Variants in EML2 observed in about 807,000 individuals in gnomAD.
EML2 encodes the protein EMAP like 2, also known as echinoderm microtubule-associated protein-like 2.
In EML2, 59 loss-of-function variants were observed where a neutral mutation model predicts 84.7. The ratio of observed to expected loss-of-function variants is 0.70; its 90% CI spans 0.56 to 0.86. The LOEUF (loss-of-function observed/expected upper bound fraction) is 0.86. Among genes scored for constraint, EML2 ranks in the 40% least tolerant of loss-of-function variants. The pLI, the probability that EML2 is intolerant of heterozygous loss-of-function variation, is 0.00. For synonymous variants in EML2, 352 were observed against 348.9 expected (o/e 1.01, Z -0.10); for missense variants, 818 against 855.6 (o/e 0.96, Z 0.55).
Position 45,614,672 on chromosome 19 carries a change from G to A in EML2, c.1626C>T (p.Thr542=). The A allele has an allele frequency of 3.7e-6, 6 of 1,614,044 alleles. No individual in the cohort carries two copies. Among genetic ancestry groups the A allele is most frequent in the Non-Finnish European group, 5.1e-6 (6 of 1,179,936 alleles). Residue 542 remains threonine, a synonymous_variant, in exon 17 of 19, where the codon ACC becomes ACT. Transcript: ENST00000245925. The part of the protein sequence containing the change: ...YWDPATCKQI[T]SADAVRNMEW... Reference sequence around the variant, plus strand: ...CCATGTTCCTCACAGCATCCGCACTGGTGATCTGCTTACAGGTAGCCGGGT... The same window carrying A: ...CCATGTTCCTCACAGCATCCGCACTAGTGATCTGCTTACAGGTAGCCGGGT...
intron 7 of EML2, among the ~76,000 whole-genome samples, chr19:45,628,445 G>A (rs1178778377): frequency 2.0e-5 from 3 of 152,058 alleles, no homozygotes; most frequent in African/African-American, 7.2e-5. Flanking sequence ...AGAGTTGTGT[G>A]TGGAACCCAG....
At chr19:45,613,282 G>A (rs1600068373) in intron 18 of EML2, among the ~76,000 whole-genome samples, 1 of 152,180 alleles carries the variant, frequency 6.6e-6, no homozygotes, top group Non-Finnish European at 1.5e-5. Context: ...TATTTACTGA[G>A]TTAACAAGGA....
intron 6 of EML2, among the ~76,000 whole-genome samples, chr19:45,630,247 A>G (rs1972865752): frequency 6.6e-6 from 1 of 151,916 alleles, no homozygotes; most frequent in South Asian, 2.1e-4. Flanking sequence ...AACAAAACAA[A>G]TTTAAATATT....
At chr19:45,642,314 C>G, upstream of EML2, 2 of 1,535,774 alleles carry the variant, frequency 1.3e-6, no homozygotes, top group Non-Finnish European at 8.7e-7. Context: ...GACACGCGGT[C>G]GTCCACTTCC....
chr19:45,635,155 G>GT (rs1568481913), intron 3 of EML2, among the ~76,000 whole-genome samples: 3 of 151,270 alleles, frequency 2.0e-5, no homozygotes, highest in African/African-American at 7.3e-5. Context: ...GGCCTGTTTT[G>GT]TTTTTTTAAG....
In EML2 at chr19:45,609,726, A is replaced by G; in HGVS notation, c.1887T>C (p.Asp629=). 1 of 1,613,770 alleles carries G rather than the reference A, an allele frequency of 6.2e-7. No homozygotes were observed. Residue 629 remains aspartate (D), a synonymous_variant, in exon 19 of 19, where the codon GAT becomes GAC. Coordinates refer to ENST00000245925, the MANE Select transcript of EML2 (RefSeq NM_012155.4). ...CCCCTGTGGTCAGGGCCATGCTGTC[A>G]TCCCACAAGAAGGCCACATTTGTCA... ...SHVTNVAFLW[D]DSMALTTGGK...
upstream of EML2, chr19:45,641,286 G>C (rs1003522734): frequency 4.5e-6 from 1 of 224,460 alleles, no homozygotes; most frequent in African/African-American, 2.3e-5. Flanking sequence ...TTTCCTTGTA[G>C]AAACTCTGTG....
At chr19:45,633,865 CTCCCAAAGTGCTGCT>C (rs1973385526) in intron 4 of EML2, among the ~76,000 whole-genome samples, 1 of 152,174 alleles carries the variant, frequency 6.6e-6, no homozygotes, top group African/African-American at 2.4e-5. Flanking sequence ...CCGCCTTGGC[CTCCCAAAGTGCTGCT>C]TTCACAGGCG....
chr19:45,626,960 C>CTTTT (rs5828242), intron 7 of EML2, 121 bp from the exon 8 acceptor site: 630 of 527,428 alleles, frequency 1.2e-3, no homozygotes, highest in East Asian at 2.5e-3. Context: ...CTGAACTTTT[C>CTTTT]TTTTTTTTTT....
At chr19:45,609,887 C>CA in intron 18 of EML2, 99 bp from the exon 19 acceptor site, 6 of 1,085,820 alleles carry the variant, frequency 5.5e-6, no homozygotes, top group Non-Finnish European at 7.5e-6. Flanking sequence ...TGCTCTTCCT[C>CA]TTTTTTTTTT....
At chr19:45,638,714 AT>A in intron 2 of EML2, 80 bp from the exon 3 acceptor site, 1 of 1,583,664 alleles carries the variant, frequency 6.3e-7, no homozygotes, top group Non-Finnish European at 8.6e-7. Context: ...TTATTTATTT[AT>A]TTTTTTAAAG....
Position 45,614,673 on chromosome 19 carries a change from G to A in EML2, c.1625C>T (p.Thr542Ile), listed in dbSNP as rs1244148494. The change falls in exon 17 of 19, where the codon ACC (threonine) becomes ATC (isoleucine). Residue 542 changes from threonine (T) to isoleucine (I), a missense_variant. Coordinates refer to ENST00000245925, the MANE Select transcript of EML2 (RefSeq NM_012155.4). ...YWDPATCKQI[T>I]SADAVRNMEW... is the part of the protein sequence containing the mutation. ...CATGTTCCTCACAGCATCCGCACTG[G>A]TGATCTGCTTACAGGTAGCCGGGTC... 4.3e-6 allele frequency: 7 copies of A among 1,614,070 alleles called. No homozygotes were observed. Among genetic ancestry groups the A allele is most frequent in the African/African-American group, 4.0e-5 (3 of 75,054 alleles).
rs777143668 is a variant in EML2 at position 45,617,608 on chromosome 19, G to A, written c.1322+22C>T. 32 of 1,609,308 alleles carry A rather than the reference G, an allele frequency of 2.0e-5. No individual in the cohort carries two copies. In the Middle Eastern group the frequency reaches 5.0e-4, roughly 25 times the overall value. ...CCCCAGGGAGCAGAGAAGGCCTCCC[G>A]AAATGCTCTCCTCAGCTTTACCTGC... On this transcript the variant is annotated intron_variant, in intron 13 of 18. Transcript: ENST00000245925.
At position 45,632,655 on chromosome 19, in the gene EML2, G is replaced by A. The variant is rs1600185066; in HGVS notation, c.510+206C>T. 5.3e-6 allele frequency: 3 copies of A among 563,144 alleles called. No individual in the cohort carries two copies. The East Asian group carries it at 9.1e-5, about 17-fold the overall frequency. 34.9% of individuals were successfully genotyped at this position (563,144 alleles called of 1,614,324 possible). A position where few individuals can be genotyped will look rare whatever the true frequency, so the allele number is the denominator to read the frequency against. ...GGACCAGCTGGGCCCTAGGCACTGG[G>A]TTTAAAATGCCTGAGAGGGCTGGGC... On this transcript the variant is annotated intron_variant, in intron 6 of 18. Coordinates refer to ENST00000245925, the MANE Select transcript of EML2 (RefSeq NM_012155.4).
At position 45,616,538 on chromosome 19, in the gene EML2, C is replaced by G; in HGVS notation, c.1432G>C (p.Gly478Arg). ...FSPDGAYLAV[G>R]SHDNLVYVYT... ...ACGTACACCAAGTTGTCGTGGGAGCCCACGGCCAGGTACGCCCCGTCTGGG... is the reference window on the plus strand; with the variant it reads ...ACGTACACCAAGTTGTCGTGGGAGCGCACGGCCAGGTACGCCCCGTCTGGG... The change falls in exon 15 of 19, where the codon GGC becomes CGC. Residue 478 changes from glycine to arginine, a missense_variant. Physicochemically the swap from Gly to Arg is moderately radical, Grantham distance 125. Transcript: ENST00000245925. The G allele has an allele frequency of 1.2e-6, 2 of 1,611,012 alleles. No homozygotes were observed. Among genetic ancestry groups the G allele is most frequent in the Non-Finnish European group, 1.7e-6 (2 of 1,177,976 alleles).
chr19:45,641,993 G>T, upstream of EML2: 1 of 1,447,076 alleles, frequency 6.9e-7, no homozygotes, highest in Non-Finnish European at 9.0e-7. Context: ...CGGGGGTCCC[G>T]AGCCATTAAG....
At chr19:45,641,978 C>T (rs1974560271), upstream of EML2, 4 of 1,442,820 alleles carry the variant, frequency 2.8e-6, no homozygotes, top group Admixed American at 8.5e-5. Flanking sequence ...GCCACCCACG[C>T]GCCGCGGGGG....
chr19:45,630,908 G>A (rs7256461), intron 6 of EML2, among the ~76,000 whole-genome samples: 12,667 of 152,146 alleles, frequency 0.083, 1,026 homozygotes, highest in African/African-American at 0.2. Context: ...AAGCTGGAAT[G>A]CAGTTGCATG....
intron 6 of EML2, 123 bp downstream of exon 6, chr19:45,632,738 A>C: frequency 3.8e-6 from 3 of 797,098 alleles, no homozygotes; most frequent in Non-Finnish European, 6.1e-6. Flanking sequence ...GTGACGTCAC[A>C]GAGGCGGGCC....
Sources: allele counts gnomAD v4.1 joint callset (sites outside exome capture counted in the v4.1 genomes callset), GRCh38; gene constraint gnomAD v4.1.1; transcripts MANE v1.5; gene names NCBI Gene and HGNC (gene_info 2026-07-23, HGNC 2026-07-21).